The following STXBP6 variants were observed in gnomAD, a reference collection of about 807,000 sequenced individuals.
STXBP6 encodes the protein syntaxin binding protein 6.
In STXBP6, 21 loss-of-function variants were observed where a neutral mutation model predicts 26.9. The ratio of observed to expected loss-of-function variants is 0.78; its 90% CI spans 0.55 to 1.12. The LOEUF (loss-of-function observed/expected upper bound fraction) is 1.12, where lower values mean the gene tolerates loss of function less well. STXBP6 is among the 50% of genes most tolerant of loss of function. The pLI is 0.00. For missense variants in STXBP6, 232 were observed against 257.9 expected (o/e 0.90, Z 0.69); for synonymous variants, 97 against 92.6 (o/e 1.05, Z -0.27).
intron 1 of STXBP6, among the ~76,000 whole-genome samples, chr14:25,029,968 G>A (rs543833865): frequency 4.0e-5 from 6 of 151,748 alleles, no homozygotes; most frequent in African/African-American, 7.3e-5. Context: ...GAGTCCTCAC[G>A]GTATGCAAGG....
intron 2 of STXBP6, among the ~76,000 whole-genome samples, chr14:24,930,143 A>G (rs2072329331): frequency 6.6e-6 from 1 of 152,232 alleles, no homozygotes; most frequent in Non-Finnish European, 1.5e-5. Context: ...AATCTACTTT[A>G]AGTGGTAACA....
intron 2 of STXBP6, among the ~76,000 whole-genome samples, chr14:24,972,911 G>A (rs967483964): frequency 6.6e-6 from 1 of 152,174 alleles, no homozygotes; most frequent in Non-Finnish European, 1.5e-5. Context: ...GAGCCCAGGA[G>A]TTCGAGACCA....
intron 5 of STXBP6, among the ~76,000 whole-genome samples, chr14:24,813,653 G>T (rs562538935): frequency 6.6e-6 from 1 of 152,126 alleles, no homozygotes; most frequent in Non-Finnish European, 1.5e-5. Context: ...GTGATTCTCC[G>T]CAGGCAATAA....
At chr14:24,961,451 CAAA>C (rs35074945) in intron 2 of STXBP6, among the ~76,000 whole-genome samples, 110 of 137,236 alleles carry the variant, frequency 8.0e-4, no homozygotes, top group African/African-American at 2.4e-3. Flanking sequence ...GAACTAAAAA[CAAA>C]AAAAAAAAAA....
chr14:25,013,230 C>T (rs114218006), intron 1 of STXBP6, among the ~76,000 whole-genome samples: 1 of 151,998 alleles, frequency 6.6e-6, no homozygotes, highest in South Asian at 2.1e-4. Context: ...TGCTAGGGAG[C>T]CAAATATTTT....
chr14:24,917,999 T>A (rs2071829352), intron 2 of STXBP6, among the ~76,000 whole-genome samples: 1 of 151,972 alleles, frequency 6.6e-6, no homozygotes, highest in South Asian at 2.1e-4. Flanking sequence ...ACAGGTACAA[T>A]GTTGAAAGAA....
chr14:24,916,544 G>A (rs1361051877), intron 2 of STXBP6, among the ~76,000 whole-genome samples: 3 of 152,204 alleles, frequency 2.0e-5, no homozygotes, highest in African/African-American at 4.8e-5. Context: ...TGCAGCTACT[G>A]GATGGTATCT....
chr14:24,810,856 AATAC>A lies in STXBP6; in HGVS notation c.*1849_*1852del, dbSNP rs1294277972. On this transcript the variant is annotated 3_prime_UTR_variant, in exon 6 of 6. Transcript: ENST00000323944. ...AACCAGAATCCAATTTGGAAAGATA[AATAC>A]ATCTCTGTGTGTGTGTGTGTGTGTG... The A allele has an allele frequency of 1.6e-5, 1 of 60,922 alleles. No individual in the cohort carries two copies. The highest frequency in any genetic ancestry group is 3.7e-5 in the Non-Finnish European group (1 of 27,384). 3.8% of individuals were successfully genotyped at this position (60,922 alleles called of 1,614,324 possible). A position where few individuals can be genotyped will look rare whatever the true frequency, so the allele number is the denominator to read the frequency against.
intron 2 of STXBP6, among the ~76,000 whole-genome samples, chr14:24,915,697 A>G (rs903387726): frequency 6.6e-6 from 1 of 152,126 alleles, no homozygotes; most frequent in African/African-American, 2.4e-5. Context: ...CTGTTCAGCT[A>G]GTTCTAATCC....
At chr14:24,907,015 T>C (rs2071406883) in intron 2 of STXBP6, among the ~76,000 whole-genome samples, 1 of 151,846 alleles carries the variant, frequency 6.6e-6, no homozygotes. Context: ...AGCTGGGAAG[T>C]GTAGGGGGAA....
chr14:24,941,082 A>C (rs1251337618), intron 2 of STXBP6, among the ~76,000 whole-genome samples: 2 of 152,170 alleles, frequency 1.3e-5, no homozygotes, highest in South Asian at 2.1e-4. Flanking sequence ...CAAGCAGGAG[A>C]TATATCTCAA....
intron 2 of STXBP6, among the ~76,000 whole-genome samples, chr14:24,932,201 A>G (rs1480413705): frequency 6.6e-6 from 1 of 152,164 alleles, no homozygotes; most frequent in African/African-American, 2.4e-5. Flanking sequence ...GAGGTCAGGA[A>G]TTTGAGACCA....
At chr14:24,996,641 C>T (rs543712932) in intron 1 of STXBP6, among the ~76,000 whole-genome samples, 36 of 151,724 alleles carry the variant, frequency 2.4e-4, no homozygotes, top group Non-Finnish European at 4.9e-4. Context: ...CAACTGAGGT[C>T]GCCAGTTTGA....
intron 2 of STXBP6, among the ~76,000 whole-genome samples, chr14:24,939,842 T>A (rs913020512): frequency 6.6e-6 from 1 of 152,242 alleles, no homozygotes; most frequent in Non-Finnish European, 1.5e-5. Context: ...GTAGACTTCA[T>A]GGCACAATTT....
chr14:25,001,368 T>C (rs926444194), intron 1 of STXBP6, among the ~76,000 whole-genome samples: 1 of 152,188 alleles, frequency 6.6e-6, no homozygotes, highest in African/African-American at 2.4e-5. Context: ...TCCTGAGTGA[T>C]AGGAGTAGCT....
chr14:24,900,030 G>A (rs1441459909), intron 2 of STXBP6, among the ~76,000 whole-genome samples: 1 of 152,128 alleles, frequency 6.6e-6, no homozygotes, highest in Non-Finnish European at 1.5e-5. Flanking sequence ...TCTAATAGGT[G>A]AACAAAGCGA....
intron 2 of STXBP6, among the ~76,000 whole-genome samples, chr14:24,897,339 G>C (rs1180179856): frequency 1.3e-5 from 2 of 150,160 alleles, no homozygotes; most frequent in African/African-American, 4.9e-5. Flanking sequence ...GAACCCGGGA[G>C]GGGGAGTTTG....
chr14:24,830,508 T>A (rs556986298), intron 4 of STXBP6, among the ~76,000 whole-genome samples: 128 of 152,170 alleles, frequency 8.4e-4, no homozygotes, highest in African/African-American at 2.7e-3. Context: ...AGCAATTGGG[T>A]AGGTAATAGT....
intron 5 of STXBP6, among the ~76,000 whole-genome samples, chr14:24,818,367 A>G (rs1417993465): frequency 6.6e-6 from 1 of 152,184 alleles, no homozygotes; most frequent in Non-Finnish European, 1.5e-5. Flanking sequence ...CACAGTTCTC[A>G]GCGAGTATGA....
Sources: gnomAD v4.1 joint callset for allele counts (sites outside exome capture counted in the v4.1 genomes callset) on GRCh38, gnomAD v4.1.1 for gene constraint, MANE v1.5 for transcripts, NCBI Gene and HGNC (gene_info 2026-07-23, HGNC 2026-07-21) for gene names.